ETFDH: variants seen among roughly 807,000 people sequenced by gnomAD.
ETFDH encodes the protein electron transfer flavoprotein dehydrogenase, also known as electron transfer flavoprotein-ubiquinone oxidoreductase, mitochondrial.
Under a neutral mutation model 73.2 loss-of-function variants are expected in ETFDH, and 61 were observed. The ratio of observed to expected loss-of-function variants is 0.83; its 90% CI spans 0.68 to 1.03. ETFDH has a LOEUF of 1.03. ETFDH is among the 50% of genes least tolerant of loss of function. The pLI, the probability that ETFDH is intolerant of heterozygous loss-of-function variation, is 0.00. For missense variants in ETFDH, 685 were observed against 745.0 expected (o/e 0.92, Z 0.94); for synonymous variants, 243 against 253.3 (o/e 0.96, Z 0.39).
In ETFDH at chr4:158,682,399, T is replaced by C. The variant is rs121964956; in HGVS notation, c.380T>C (p.Leu127Pro). The change falls in exon 3 of 13, where the codon CTC becomes CCC. Residue 127 changes from leucine to proline, a missense_variant. Leu to Pro is a moderately conservative substitution (Grantham distance 98). Coordinates refer to ENST00000511912, the MANE Select transcript of ETFDH (RefSeq NM_004453.4). ...CTTGATCCAGGTGCTTTTAAAGAAC[T>C]CTTCCCAGACTGGAAAGAGAAGGGG... ...ACLDPGAFKE[L>P]FPDWKEKGAP... 6.2e-7 allele frequency: 1 copy of C among 1,614,162 alleles called. No individual in the cohort carries two copies. The highest frequency in any genetic ancestry group is 2.2e-5 in the East Asian group (1 of 44,892).
intron 4 of ETFDH, 70 bp downstream of exon 4, chr4:158,684,743 A>G: frequency 1.1e-6 from 1 of 915,938 alleles, no homozygotes. Flanking sequence ...TCATCTGACG[A>G]AATTTCCTCC....
chr4:158,684,488 A>G (rs1773949138), intron 3 of ETFDH, 104 bp from the exon 4 acceptor site: 1 of 632,210 alleles, frequency 1.6e-6, no homozygotes, highest in South Asian at 1.9e-5. Flanking sequence ...ATTAGGGGGG[A>G]GTTCTTTTTT....
rs1281406250 is a variant in ETFDH at position 158,706,330 on chromosome 4, G to T, written c.1427G>T (p.Trp476Leu). The T allele has an allele frequency of 6.2e-7, 1 of 1,613,596 alleles. No homozygotes were observed. ...GGMIYTGIFY[W>L]ILRGMEPWTL... ...ATGATTTACACTGGAATCTTTTACT[G>T]GATATTGAGAGGAATGGAGCCGTGG... Residue 476 changes from tryptophan (W) to leucine (L), a missense_variant, in exon 11 of 13, where the codon TGG (tryptophan) becomes TTG (leucine). Physicochemically the swap from Trp to Leu is moderately conservative, Grantham distance 61. This residue lies in a region of ETFDH where 201 missense variants were observed against 225.2 expected (regional missense o/e 0.89). Coordinates refer to ENST00000511912, the MANE Select transcript of ETFDH (RefSeq NM_004453.4).
Position 158,703,548 on chromosome 4 carries a change from T to G in ETFDH, c.1242T>G (p.Ile414Met). The change falls in exon 10 of 13, where the codon ATT (isoleucine) becomes ATG (methionine). Residue 414 changes from isoleucine to methionine, a missense_variant. This residue lies in a region of ETFDH where 79 missense variants were observed against 120.5 expected (regional missense o/e 0.66). Coordinates refer to ENST00000511912, the MANE Select transcript of ETFDH (RefSeq NM_004453.4). ...GTGGAATTTTAGCAGCAGAATCTAT[T>G]TTTAATCAACTAACTAGTGAAAATC... Reference protein sequence around the residue: ...MKSGILAAESIFNQLTSENLQ... With the variant: ...MKSGILAAESMFNQLTSENLQ... The G allele has an allele frequency of 1.2e-6, 2 of 1,608,962 alleles. No homozygotes were observed. The highest frequency in any genetic ancestry group is 1.7e-6 in the Non-Finnish European group (2 of 1,175,426).
chr4:158,677,304 G>A (rs942520056), intron 1 of ETFDH, among the ~76,000 whole-genome samples: 1 of 152,216 alleles, frequency 6.6e-6, no homozygotes, highest in South Asian at 2.1e-4. Flanking sequence ...AAAGTTACAG[G>A]CAAAGACATT....
chr4:158,703,958 G>C (rs184670446), intron 10 of ETFDH, among the ~76,000 whole-genome samples: 157 of 152,276 alleles, frequency 1.0e-3, no homozygotes, highest in African/African-American at 3.7e-3. Context: ...AATTAGCTGT[G>C]TGTGGTGGCG....
chr4:158,674,247 A>T (rs866248402), intron 1 of ETFDH, among the ~76,000 whole-genome samples: 2 of 151,940 alleles, frequency 1.3e-5, no homozygotes, highest in Middle Eastern at 3.4e-3. Context: ...TTTTTTTCCA[A>T]AATTGAGGAT....
At chr4:158,694,607 A>T (rs1424935437) in intron 6 of ETFDH, among the ~76,000 whole-genome samples, 2 of 151,678 alleles carry the variant, frequency 1.3e-5, no homozygotes, top group East Asian at 3.8e-4. Flanking sequence ...AAAAAAAAAA[A>T]AATTAAAAAA....
chr4:158,696,339 C>T (rs1774307438), intron 7 of ETFDH, among the ~76,000 whole-genome samples: 1 of 152,036 alleles, frequency 6.6e-6, no homozygotes, highest in African/African-American at 2.4e-5. Flanking sequence ...GACCTCATCT[C>T]TACTGAAAAT....
chr4:158,695,710 G>T, intron 7 of ETFDH, 67 bp downstream of exon 7: 1 of 1,105,652 alleles, frequency 9.0e-7, no homozygotes, highest in East Asian at 2.4e-5. Context: ...GTATTATCAG[G>T]TAGTTTATAA....
chr4:158,699,120 G>C lies in ETFDH; in HGVS notation c.1106G>C (p.Gly369Ala), dbSNP rs754418186. 1 of 1,613,794 alleles carries C rather than the reference G, an allele frequency of 6.2e-7. No homozygotes were observed. Among genetic ancestry groups the C allele is most frequent in the Non-Finnish European group, 8.5e-7 (1 of 1,179,756 alleles). Residue 369 changes from glycine (G) to alanine (A), a missense_variant, in exon 9 of 13, where the codon GGT (glycine) becomes GCT (alanine). Physicochemically the swap from Gly to Ala is moderately conservative, Grantham distance 60. Around this residue, in one of 3 missense-constraint regions of ETFDH, gnomAD observed 79 missense variants for 120.5 expected, o/e 0.66. Transcript: ENST00000511912. ...TACGGAGCCAGAGCTCTCAATGAAG[G>C]TGGCTTTCAGGTAACTCTTCCAACT... Reference protein sequence around the residue: ...IAYGARALNEGGFQSIPKLTF... With the variant: ...IAYGARALNEAGFQSIPKLTF...
intron 9 of ETFDH, 126 bp from the exon 10 acceptor site, chr4:158,703,297 A>C: frequency 1.4e-6 from 1 of 723,322 alleles, no homozygotes; most frequent in Admixed American, 2.2e-5. Flanking sequence ...TGCTCAATTC[A>C]TTTTCATGTA....
At chr4:158,702,567 G>A (rs1262337411) in intron 9 of ETFDH, among the ~76,000 whole-genome samples, 2 of 151,918 alleles carry the variant, frequency 1.3e-5, no homozygotes, top group African/African-American at 2.4e-5. Flanking sequence ...TGAGAACATA[G>A]GGTGTTTCTC....
intron 2 of ETFDH, 137 bp downstream of exon 2, chr4:158,680,744 A>G: frequency 1.4e-6 from 1 of 732,462 alleles, no homozygotes; most frequent in South Asian, 1.6e-5. Context: ...CACATGCTGC[A>G]TAATGACCCT....
chr4:158,680,926 G>A (rs1428837990), intron 2 of ETFDH, among the ~76,000 whole-genome samples: 1 of 152,026 alleles, frequency 6.6e-6, no homozygotes, highest in Admixed American at 6.6e-5. Context: ...TCTACTGCCA[G>A]TTCTTTAAAA....
At chr4:158,680,174 C>T (rs1386585015) in intron 1 of ETFDH, 1 of 232,600 alleles carries the variant, frequency 4.3e-6, no homozygotes, top group Non-Finnish European at 8.6e-6. Flanking sequence ...AAGCCATTGA[C>T]CTAACACGGT....
intron 6 of ETFDH, among the ~76,000 whole-genome samples, chr4:158,694,594 CA>C (rs530332578): frequency 0.037 from 3,599 of 96,608 alleles, 128 homozygotes; most frequent in African/African-American, 0.11. Context: ...AACTCTGTCT[CA>C]AAAAAAAAAA....
chr4:158,708,648 A>G lies in ETFDH; in HGVS notation c.*121A>G. 1.2e-6 allele frequency: 1 copy of G among 851,270 alleles called. No individual in the cohort carries two copies. Among genetic ancestry groups the G allele is most frequent in the Non-Finnish European group, 1.9e-6 (1 of 520,108 alleles). 52.7% of individuals were successfully genotyped at this position (851,270 alleles called of 1,614,324 possible). A position where few individuals can be genotyped will look rare whatever the true frequency, so the allele number is the denominator to read the frequency against. The stretch of plus-strand genomic sequence containing the variant: ...CAGAATAGTCACAAAATGATTATCA[A>G]ATAAAAATTTTATACTATATGTAAG... On this transcript the variant is annotated 3_prime_UTR_variant, in exon 13 of 13. Transcript: ENST00000511912.
At chr4:158,689,544 G>C (rs1394142610) in intron 5 of ETFDH, among the ~76,000 whole-genome samples, 3 of 135,932 alleles carry the variant, frequency 2.2e-5, no homozygotes, top group African/African-American at 8.4e-5. Flanking sequence ...TTAGTCTGTA[G>C]CCATATTCTG....
Sources: gnomAD v4.1 joint callset for allele counts (sites outside exome capture counted in the v4.1 genomes callset) on GRCh38, gnomAD v4.1.1 for gene constraint, gnomAD v4.1.1 regional missense constraint, MANE v1.5 for transcripts, NCBI Gene and HGNC (gene_info 2026-07-23, HGNC 2026-07-21) for gene names.